SUMF1: variants seen among roughly 807,000 people sequenced by gnomAD.
SUMF1 encodes the protein sulfatase modifying factor 1.
A neutral mutation model predicts 47.6 loss-of-function variants in SUMF1; 48 were observed. The ratio of observed to expected loss-of-function variants is 1.01; its 90% CI spans 0.80 to 1.28. The LOEUF is 1.28. SUMF1 is among the 50% of genes most tolerant of loss of function. SUMF1 has a pLI of 0.00. For missense variants in SUMF1, 571 were observed against 485.4 expected (o/e 1.18, Z -1.66); for synonymous variants, 230 against 192.1 (o/e 1.20, Z -1.63).
Position 4,411,024 on chromosome 3 carries a change from T to G in SUMF1, c.841-46A>C, listed in dbSNP as rs775973267. ...AATGCTGTCAAACTATTCACCTGGT[T>G]TAAAAAACATCTTCAGTGCAGAAAT... On this transcript the variant is annotated intron_variant, in intron 6 of 8. Transcript: ENST00000272902. 4 of 1,463,242 alleles carry G rather than the reference T, an allele frequency of 2.7e-6. No individual in the cohort carries two copies. In the South Asian group the frequency reaches 4.5e-5, roughly 17 times the overall value. The allele number at this position is 1,463,242 out of a possible 1,614,324, so 90.6% of individuals were successfully genotyped here.
intron 8 of SUMF1, among the ~76,000 whole-genome samples, chr3:4,310,042 C>T (rs567478484): frequency 1.0e-3 from 159 of 152,278 alleles, no homozygotes; most frequent in Middle Eastern, 0.01. Flanking sequence ...AATGTTGCTA[C>T]ACTGAATACT....
chr3:4,367,235 A>G (rs1007315413), intron 8 of SUMF1, among the ~76,000 whole-genome samples: 8 of 152,184 alleles, frequency 5.3e-5, no homozygotes, highest in Non-Finnish European at 7.3e-5. Flanking sequence ...TGGGAGAACC[A>G]CTGCTCTCTT....
chr3:4,268,787 C>G (rs1237444023), intron 8 of SUMF1, among the ~76,000 whole-genome samples: 2 of 151,990 alleles, frequency 1.3e-5, no homozygotes, highest in Admixed American at 6.6e-5. Flanking sequence ...CTCAACCACT[C>G]TCCACTTAGC....
chr3:4,062,874 G>A (rs2125028544), intron 9 of SUMF1, among the ~76,000 whole-genome samples: 1 of 152,248 alleles, frequency 6.6e-6, no homozygotes, highest in South Asian at 2.1e-4. Flanking sequence ...TAACAGGGAA[G>A]TCTAATATTC....
intron 8 of SUMF1, among the ~76,000 whole-genome samples, chr3:4,356,126 G>C (rs17040474): frequency 0.02 from 3,018 of 152,254 alleles, 104 homozygotes; most frequent in African/African-American, 0.069. Context: ...TGAGGCTCTC[G>C]GAGTTAATAA....
intron 9 of SUMF1, among the ~76,000 whole-genome samples, chr3:4,056,332 G>C (rs1695191039): frequency 6.6e-6 from 1 of 151,960 alleles, no homozygotes; most frequent in African/African-American, 2.4e-5. Context: ...AAACTAAAAA[G>C]GTTCATACAG....
intron 8 of SUMF1, among the ~76,000 whole-genome samples, chr3:4,196,439 G>A (rs1485248): frequency 0.32 from 48,525 of 151,886 alleles, 7,877 homozygotes; most frequent in East Asian, 0.4. Flanking sequence ...TGAGTGCACT[G>A]CAATTTTCTG....
At chr3:4,413,694 C>T (rs1367905935) in intron 6 of SUMF1, among the ~76,000 whole-genome samples, 4 of 151,806 alleles carry the variant, frequency 2.6e-5, no homozygotes, top group African/African-American at 9.7e-5. Flanking sequence ...AATGTAAATT[C>T]TTTAGTCTCA....
At chr3:4,337,943 T>A (rs1462118081) in intron 8 of SUMF1, among the ~76,000 whole-genome samples, 1 of 152,190 alleles carries the variant, frequency 6.6e-6, no homozygotes, top group Non-Finnish European at 1.5e-5. Context: ...CTCAACTTTT[T>A]CAAGGATAAA....
chr3:4,060,856 A>T (rs190768646), intron 9 of SUMF1, among the ~76,000 whole-genome samples: 88 of 152,298 alleles, frequency 5.8e-4, no homozygotes, highest in African/African-American at 2.0e-3. Context: ...AGCATTTGTT[A>T]AGTAAATAAA....
chr3:4,402,613 C>T (rs1485122674), intron 7 of SUMF1, among the ~76,000 whole-genome samples: 1 of 152,142 alleles, frequency 6.6e-6, no homozygotes, highest in Non-Finnish European at 1.5e-5. Flanking sequence ...ATATCAATGA[C>T]TTTAAAACAA....
chr3:4,122,820 T>C (rs1286999335), intron 8 of SUMF1, among the ~76,000 whole-genome samples: 3 of 152,172 alleles, frequency 2.0e-5, no homozygotes. Context: ...ATTGGAACTG[T>C]TGCCCAGGCT....
intron 8 of SUMF1, among the ~76,000 whole-genome samples, chr3:4,156,325 CTCTT>C (rs1440280335): frequency 4.0e-5 from 6 of 151,606 alleles, no homozygotes; most frequent in South Asian, 2.1e-4. Context: ...CACTCCTGTA[CTCTT>C]TCTATCTCCT....
rs558592851 is a variant in SUMF1, at chr3:4,136,832, C to A, written c.1015-68087G>T. ...CAAAGGATATGAACAGACACTTCTC[C>A]AAAGAAGACATTTATGCAGCCAAAA... On this transcript the variant is annotated intron_variant and NMD_transcript_variant, in intron 8 of 12. Transcript: ENST00000448413. Among the ~76,000 whole-genome samples, 29 of 151,960 alleles carry A rather than the reference C, an allele frequency of 1.9e-4. 1 individual carries two copies. Among genetic ancestry groups the A allele is most frequent in the African/African-American group, 2.7e-4 (11 of 41,426 alleles).
Position 4,090,158 on chromosome 3 carries a change from G to C in SUMF1, c.1015-21413C>G, listed in dbSNP as rs986223427. Among the ~76,000 whole-genome samples, 3 of 152,200 alleles carry C rather than the reference G, an allele frequency of 2.0e-5. No homozygotes were observed. The South Asian group carries it at 6.2e-4, about 32-fold the overall frequency. On this transcript the variant is annotated intron_variant and NMD_transcript_variant, in intron 8 of 12. Coordinates refer to the SUMF1 transcript ENST00000448413. Reference sequence around the variant, plus strand: ...TACATTAATGAATAATATGTAATTTGAGCGCATGCACAGCAGGTCCTCGAA... The same window carrying C: ...TACATTAATGAATAATATGTAATTTCAGCGCATGCACAGCAGGTCCTCGAA...
At chr3:4,236,190 T>C (rs1696405299) in intron 8 of SUMF1, among the ~76,000 whole-genome samples, 2 of 151,946 alleles carry the variant, frequency 1.3e-5, no homozygotes, top group African/African-American at 4.8e-5. Flanking sequence ...TCCACCTAGA[T>C]AGTAAAAATT....
chr3:4,223,903 G>A (rs1696118927), intron 8 of SUMF1, among the ~76,000 whole-genome samples: 1 of 152,072 alleles, frequency 6.6e-6, no homozygotes, highest in African/African-American at 2.4e-5. Flanking sequence ...TAAACTCTCT[G>A]AGCCTTCATT....
rs552098452 is a variant in SUMF1 at position 4,170,801 on chromosome 3, T to A, written c.1015-102056A>T. Among the ~76,000 whole-genome samples, 4 of 152,308 alleles carry A rather than the reference T, an allele frequency of 2.6e-5. No homozygotes were observed. The South Asian group carries it at 8.3e-4, about 32-fold the overall frequency. ...ATTAACAACAACAAAAAAACGAACT[T>A]TGATTCATTCCTTACACCTTATATT... On this transcript the variant is annotated intron_variant and NMD_transcript_variant, in intron 8 of 12. Transcript: ENST00000448413.
At chr3:4,319,793 A>G (rs1007667791) in intron 8 of SUMF1, among the ~76,000 whole-genome samples, 6 of 152,204 alleles carry the variant, frequency 3.9e-5, no homozygotes, top group Non-Finnish European at 8.8e-5. Flanking sequence ...ACAAACTGGT[A>G]CATCCATATG....
Sources: gnomAD v4.1 joint callset for allele counts (sites outside exome capture counted in the v4.1 genomes callset) on GRCh38, gnomAD v4.1.1 for gene constraint, MANE v1.5 for transcripts, NCBI Gene and HGNC (gene_info 2026-07-23, HGNC 2026-07-21) for gene names.